The following LPP variants were observed in gnomAD, a reference collection of about 807,000 sequenced individuals.
The protein encoded by LPP is lipoma-preferred partner.
A neutral mutation model predicts 60.4 loss-of-function variants in LPP; 38 were observed. The ratio of observed to expected loss-of-function variants is 0.63; its 90% confidence interval spans 0.49 to 0.83. The LOEUF (loss-of-function observed/expected upper bound fraction) is 0.83, where lower values mean the gene tolerates loss of function less well. Among genes scored for constraint, LPP ranks in the 40% least tolerant of loss-of-function variants. The pLI is 0.00. For missense variants in LPP, 902 were observed against 783.6 expected, an observed-to-expected ratio of 1.15 and a Z score of -1.80; for synonymous variants, 328 against 290.8, an observed-to-expected ratio of 1.13 and a Z score of -1.30.
At chr3:188,441,609 C>CTTTTTCTTTTTT (rs1793903893) in intron 4 of LPP, among the ~76,000 whole-genome samples, 1 of 55,652 alleles carries the variant, frequency 1.8e-5, no homozygotes, top group Non-Finnish European at 3.4e-5. Flanking sequence ...CTTTTCTTTT[C>CTTTTTCTTTTTT]TTTTTTTTTT....
chr3:188,173,618 A>G (rs114389411), intron 1 of LPP, among the ~76,000 whole-genome samples: 1 of 152,206 alleles, frequency 6.6e-6, no homozygotes, highest in African/African-American at 2.4e-5. Flanking sequence ...TGTTGTAATC[A>G]TGTAATCTGG....
chr3:188,226,714 A>C (rs1468665884), intron 2 of LPP, among the ~76,000 whole-genome samples: 1 of 152,208 alleles, frequency 6.6e-6, no homozygotes. Context: ...AGTAATTAAT[A>C]CACCTTGACA....
intron 9 of LPP, among the ~76,000 whole-genome samples, chr3:188,828,614 C>CAAAAAAAAAAAAAAAAAAAAA (rs71169022): frequency 3.2e-5 from 1 of 31,330 alleles, no homozygotes; most frequent in Non-Finnish European, 5.2e-5. Context: ...AACTCTGTCT[C>CAAAAAAAAAAAAAAAAAAAAA]AAAAAAAAAA....
At chr3:188,720,240 C>T (rs1268513180) in intron 8 of LPP, among the ~76,000 whole-genome samples, 6 of 152,106 alleles carry the variant, frequency 3.9e-5, no homozygotes, top group Non-Finnish European at 7.4e-5. Context: ...CCGATTCTTT[C>T]CTCTACAAAT....
intron 6 of LPP, among the ~76,000 whole-genome samples, chr3:188,586,056 A>G (rs775208149): frequency 2.6e-5 from 4 of 152,218 alleles, no homozygotes; most frequent in Non-Finnish European, 5.9e-5. Flanking sequence ...AACAAGTTAA[A>G]TTGCTACCAG....
intron 9 of LPP, among the ~76,000 whole-genome samples, chr3:188,809,603 G>A (rs1750268805): frequency 6.6e-6 from 1 of 151,966 alleles, no homozygotes; most frequent in African/African-American, 2.4e-5. Context: ...TGGATAGATT[G>A]CAAAAATTTT....
chr3:188,746,078 G>C (rs1283357160), intron 8 of LPP, among the ~76,000 whole-genome samples: 1 of 151,992 alleles, frequency 6.6e-6, no homozygotes, highest in Non-Finnish European at 1.5e-5. Flanking sequence ...TTTTCTTTAA[G>C]AGACACCATC....
chr3:188,655,739 A>G (rs1271904266), intron 7 of LPP, among the ~76,000 whole-genome samples: 2 of 152,188 alleles, frequency 1.3e-5, no homozygotes, highest in East Asian at 1.9e-4. Context: ...GAAATCTACT[A>G]TAGAATAGAG....
rs1343701488 is a variant in LPP at position 188,306,395 on chromosome 3, T to C, written c.-66-35268T>C. Among the ~76,000 whole-genome samples, 3 of 152,038 alleles carry C rather than the reference T, an allele frequency of 2.0e-5. No homozygotes were observed. In the East Asian group the frequency reaches 5.8e-4, roughly 29 times the overall value. On this transcript the variant is annotated intron_variant, in intron 2 of 11. Transcript: ENST00000617246. ...TGAGCCACCGTGCCTGGCCTGAAAA[T>C]TGTGATCATGGAAAGTACCTCACAG...
chr3:188,777,194 G>C (rs950083137), intron 9 of LPP, among the ~76,000 whole-genome samples: 1 of 151,908 alleles, frequency 6.6e-6, no homozygotes, highest in Non-Finnish European at 1.5e-5. Flanking sequence ...GTTATTTCTA[G>C]ATTAGATATG....
rs1455471416 is a variant in LPP, at chr3:188,413,422, C to T, written c.193+7109C>T. Reference sequence around the variant, plus strand: ...GAGACTGCAGTTGTAACATCTTGGACGTTTGGTATAAGTATGCGTGTTATG... The same window carrying T: ...GAGACTGCAGTTGTAACATCTTGGATGTTTGGTATAAGTATGCGTGTTATG... On this transcript the variant is annotated intron_variant, in intron 4 of 11. Transcript: ENST00000617246. Among the ~76,000 whole-genome samples, 10 of 152,192 alleles carry T rather than the reference C, an allele frequency of 6.6e-5. 1 individual carries two copies. In the South Asian group the frequency reaches 8.3e-4, roughly 13 times the overall value.
At chr3:188,542,258 A>G (rs767793028) in intron 6 of LPP, among the ~76,000 whole-genome samples, 3 of 152,230 alleles carry the variant, frequency 2.0e-5, no homozygotes, top group African/African-American at 7.2e-5. Context: ...GAAGTAAATG[A>G]CACATTGTAC....
chr3:188,874,551 G>A lies in LPP; in HGVS notation c.*72G>A, dbSNP rs1578104608. The A allele has an allele frequency of 3.9e-6, 6 of 1,529,398 alleles. No homozygotes were observed. The African/African-American group carries it at 4.1e-5, about 10-fold the overall frequency. The allele number at this position is 1,529,398 out of a possible 1,614,324, so 94.7% of individuals were successfully genotyped here. A position where few individuals can be genotyped will look rare whatever the true frequency, so the allele number is the denominator to read the frequency against. On this transcript the variant is annotated 3_prime_UTR_variant, in exon 12 of 12. Transcript: ENST00000617246. ...AAAGATAAGAAATACTAGAGTAAAG[G>A]CCATCAAACTACGCGATAGTCTCTG...
intron 2 of LPP, among the ~76,000 whole-genome samples, chr3:188,279,591 G>A (rs963328402): frequency 5.3e-5 from 8 of 152,198 alleles, no homozygotes; most frequent in African/African-American, 1.4e-4. Flanking sequence ...GTAAGATAGC[G>A]AGTGGAGCTG....
intron 6 of LPP, among the ~76,000 whole-genome samples, chr3:188,593,819 C>T (rs1839442206): frequency 1.3e-5 from 2 of 152,126 alleles, no homozygotes; most frequent in South Asian, 4.1e-4. Flanking sequence ...TATGTATACA[C>T]CGTAGTTTCT....
At chr3:188,223,319 T>TG (rs1017507696) in intron 1 of LPP, among the ~76,000 whole-genome samples, 5 of 151,932 alleles carry the variant, frequency 3.3e-5, no homozygotes, top group East Asian at 1.9e-4. Flanking sequence ...TATAACCGGG[T>TG]GGGGGGGATA....
intron 6 of LPP, among the ~76,000 whole-genome samples, chr3:188,543,077 C>G (rs150071031): frequency 3.3e-5 from 5 of 152,312 alleles, no homozygotes; most frequent in Admixed American, 2.6e-4. Context: ...TCTGACATGT[C>G]TTTCCTTTAG....
intron 8 of LPP, among the ~76,000 whole-genome samples, chr3:188,755,910 C>T (rs1268681891): frequency 6.9e-6 from 1 of 144,252 alleles, no homozygotes; most frequent in Non-Finnish European, 1.5e-5. Flanking sequence ...TTCTCTTGTT[C>T]AACCTGTAGA....
chr3:188,296,161 A>T (rs947324465), intron 2 of LPP, among the ~76,000 whole-genome samples: 1 of 152,168 alleles, frequency 6.6e-6, no homozygotes, highest in African/African-American at 2.4e-5. Flanking sequence ...CTAAATGTTT[A>T]ACTTGGTCCA....
Sources: gnomAD v4.1 joint callset for allele counts (sites outside exome capture counted in the v4.1 genomes callset) on GRCh38, gnomAD v4.1.1 for gene constraint, MANE v1.5 for transcripts, NCBI Gene and HGNC (gene_info 2026-07-23, HGNC 2026-07-21) for gene names.